Variants in TMEM117 observed in about 807,000 individuals in gnomAD.
The protein encoded by TMEM117 is transmembrane protein 117.
In TMEM117, 27 loss-of-function variants were observed where a neutral mutation model predicts 52.4. The ratio of observed to expected loss-of-function variants is 0.51; its 90% CI spans 0.38 to 0.71. The LOEUF is 0.71. Among genes scored for constraint, TMEM117 ranks in the 30% least tolerant of loss-of-function variants. The pLI is 0.00. For missense variants in TMEM117, 556 were observed against 630.5 expected (o/e 0.88, Z 1.26); for synonymous variants, 215 against 206.3 (o/e 1.04, Z -0.36).
At chr12:43,982,864 T>C (rs1945783176) in intron 3 of TMEM117, among the ~76,000 whole-genome samples, 1 of 152,202 alleles carries the variant, frequency 6.6e-6, no homozygotes, top group South Asian at 2.1e-4. Flanking sequence ...CCGGAGAAGG[T>C]ATTTTGACCC....
intron 2 of TMEM117, among the ~76,000 whole-genome samples, chr12:43,934,399 T>C (rs1023518107): frequency 6.6e-6 from 1 of 152,144 alleles, no homozygotes; most frequent in South Asian, 2.1e-4. Context: ...AATATAATAT[T>C]CAGACTCTCT....
chr12:43,868,525 C>G (rs1943648265), intron 2 of TMEM117, among the ~76,000 whole-genome samples: 1 of 151,538 alleles, frequency 6.6e-6, no homozygotes, highest in Non-Finnish European at 1.5e-5. Flanking sequence ...GCACTCCAGC[C>G]TGGCGACAGA....
chr12:44,012,188 GT>G (rs1444785232), intron 3 of TMEM117, among the ~76,000 whole-genome samples: 1 of 151,912 alleles, frequency 6.6e-6, no homozygotes, highest in African/African-American at 2.4e-5. Context: ...TATGTAAGGT[GT>G]TTTTTTCCCT....
intron 4 of TMEM117, among the ~76,000 whole-genome samples, chr12:44,185,869 TACAC>T (rs3065433): frequency 0.1 from 13,519 of 134,940 alleles, 627 homozygotes; most frequent in Middle Eastern, 0.2. Flanking sequence ...CTAAAAGACA[TACAC>T]ACACACACAC....
intron 3 of TMEM117, among the ~76,000 whole-genome samples, chr12:44,048,171 C>T (rs1946909877): frequency 6.6e-6 from 1 of 152,074 alleles, no homozygotes; most frequent in Non-Finnish European, 1.5e-5. Flanking sequence ...ACAGTACACT[C>T]TTATAGTTAG....
chr12:44,106,178 G>A (rs1047909756), intron 3 of TMEM117, among the ~76,000 whole-genome samples: 2 of 152,190 alleles, frequency 1.3e-5, no homozygotes, highest in African/African-American at 4.8e-5. Context: ...AATCCAAGAA[G>A]AGTTGTTGAT....
chr12:43,960,466 T>G (rs1180403946), intron 3 of TMEM117, among the ~76,000 whole-genome samples: 1 of 152,248 alleles, frequency 6.6e-6, no homozygotes, highest in Non-Finnish European at 1.5e-5. Flanking sequence ...AAAGGTAAAA[T>G]AGCACAGCAT....
chr12:44,131,464 G>A (rs1330653448), intron 3 of TMEM117, among the ~76,000 whole-genome samples: 1 of 152,040 alleles, frequency 6.6e-6, no homozygotes, highest in Non-Finnish European at 1.5e-5. Context: ...TTCTGTAGTT[G>A]TGGGGTGAGT....
intron 4 of TMEM117, among the ~76,000 whole-genome samples, chr12:44,200,218 CAT>C (rs1291575965): frequency 1.3e-5 from 2 of 152,122 alleles, no homozygotes; most frequent in Non-Finnish European, 2.9e-5. Context: ...TCATTTATGT[CAT>C]AAAGATAGGT....
chr12:44,227,443 C>A lies in TMEM117; in HGVS notation c.608+16056C>A, dbSNP rs145551965. 2.3e-3 allele frequency among the ~76,000 whole-genome samples: 357 copies of A among 152,040 alleles called. 11 individuals are homozygous for A. In the East Asian group the frequency reaches 0.035, roughly 15 times the overall value. ...CACTCCAGCCTAGGTGACAGAGAGA[C>A]CCTGTCTCAAAAAAGATTCTGTCAT... On this transcript the variant is annotated intron_variant, in intron 5 of 7. Transcript: ENST00000266534.
intron 3 of TMEM117, among the ~76,000 whole-genome samples, chr12:44,134,238 G>T (rs1005667287): frequency 2.6e-5 from 4 of 152,166 alleles, no homozygotes; most frequent in Non-Finnish European, 5.9e-5. Flanking sequence ...TTTTGAGACA[G>T]GTTATCACTC....
chr12:44,275,279 A>G (rs753670218), intron 5 of TMEM117, among the ~76,000 whole-genome samples: 1 of 152,112 alleles, frequency 6.6e-6, no homozygotes, highest in Non-Finnish European at 1.5e-5. Context: ...AATGGTTTCT[A>G]TCCAAACGAC....
intron 2 of TMEM117, among the ~76,000 whole-genome samples, chr12:43,918,291 A>C (rs1944638483): frequency 6.6e-6 from 1 of 152,196 alleles, no homozygotes; most frequent in South Asian, 2.1e-4. Context: ...AGTCTGATTA[A>C]AGTTGATGGC....
intron 3 of TMEM117, among the ~76,000 whole-genome samples, chr12:44,046,401 T>G (rs12099769): frequency 6.6e-6 from 1 of 152,094 alleles, no homozygotes; most frequent in Admixed American, 6.5e-5. Context: ...CACTCCATAT[T>G]GGAGGTTAGG....
chr12:43,893,892 G>A (rs535163751), intron 2 of TMEM117, among the ~76,000 whole-genome samples: 2 of 152,272 alleles, frequency 1.3e-5, no homozygotes, highest in East Asian at 3.9e-4. Flanking sequence ...TTTCAAGAAG[G>A]CTTATTCACT....
intron 2 of TMEM117, among the ~76,000 whole-genome samples, chr12:43,937,982 G>A (rs1944980172): frequency 6.6e-6 from 1 of 152,034 alleles, no homozygotes; most frequent in African/African-American, 2.4e-5. Context: ...GCCAGACAAG[G>A]CTTTATTTTG....
intron 3 of TMEM117, among the ~76,000 whole-genome samples, chr12:44,020,109 G>A (rs1946434228): frequency 6.6e-6 from 1 of 152,066 alleles, no homozygotes; most frequent in Non-Finnish European, 1.5e-5. Context: ...GAACAAACCA[G>A]GATTAAAAAA....
chr12:43,930,441 C>T (rs1472509503), intron 2 of TMEM117, among the ~76,000 whole-genome samples: 1 of 152,148 alleles, frequency 6.6e-6, no homozygotes, highest in Non-Finnish European at 1.5e-5. Context: ...GTGACACTGC[C>T]TCAAGCTCTA....
intron 5 of TMEM117, among the ~76,000 whole-genome samples, chr12:44,281,186 T>C (rs1385371406): frequency 6.6e-6 from 1 of 152,234 alleles, no homozygotes; most frequent in Non-Finnish European, 1.5e-5. Context: ...GATCTTTCAT[T>C]GTGACATGAC....
Sources: allele counts gnomAD v4.1 joint callset (sites outside exome capture counted in the v4.1 genomes callset), GRCh38; gene constraint gnomAD v4.1.1; transcripts MANE v1.5; gene names NCBI Gene and HGNC (gene_info 2026-07-23, HGNC 2026-07-21).